Variants in ZFR observed in about 807,000 individuals in gnomAD.
ZFR encodes the protein zinc finger RNA-binding protein.
A neutral mutation model predicts 130.7 loss-of-function variants in ZFR; 19 were observed. That is an observed-to-expected ratio of 0.15 (90% CI 0.10 to 0.21). The LOEUF is 0.21. ZFR is among the 10% of genes least tolerant of loss of function. The pLI, the probability that ZFR is intolerant of heterozygous loss-of-function variation, is 1.00. For missense variants in ZFR, 872 were observed against 1,321.5 expected, an observed-to-expected ratio of 0.66 and a Z score of 5.27; for synonymous variants, 466 against 456.9, an observed-to-expected ratio of 1.02 and a Z score of -0.25.
intron 7 of ZFR, 37 bp from the exon 8 acceptor site, chr5:32,403,434 C>CA: frequency 6.3e-7 from 1 of 1,583,560 alleles, no homozygotes; most frequent in Non-Finnish European, 8.6e-7. Context: ...TCAGGAAACT[C>CA]AAATAGATTT....
At chr5:32,369,160 A>G (rs1752607117) in intron 17 of ZFR, among the ~76,000 whole-genome samples, 1 of 152,186 alleles carries the variant, frequency 6.6e-6, no homozygotes, top group African/African-American at 2.4e-5. Context: ...GATTTTTGTT[A>G]AGGGGTATCT....
intron 2 of ZFR, among the ~76,000 whole-genome samples, chr5:32,431,474 A>G (rs1754213613): frequency 6.6e-6 from 1 of 152,234 alleles, no homozygotes; most frequent in Non-Finnish European, 1.5e-5. Flanking sequence ...TAAAGAATGA[A>G]GTGGGAAAAA....
At chr5:32,364,351 C>G in intron 17 of ZFR, 76 bp from the exon 18 acceptor site, 1 of 1,228,826 alleles carries the variant, frequency 8.1e-7, no homozygotes, top group Non-Finnish European at 1.1e-6. Context: ...ATTTTAAAGA[C>G]TGAAAAAATT....
chr5:32,367,633 T>G (rs1473806595), intron 17 of ZFR, among the ~76,000 whole-genome samples: 1 of 152,082 alleles, frequency 6.6e-6, no homozygotes, highest in Admixed American at 6.6e-5. Flanking sequence ...GAGCTGGTCT[T>G]GAACTCCTGG....
Position 32,367,799 on chromosome 5 carries a change from G to C in ZFR, c.2836-3524C>G, listed in dbSNP as rs181920733. ...CCCATCCCATCTCCAGTTATAATAA[G>C]AGTAACTCTTAGTAAGTGGCAGGCA... On this transcript the variant is annotated intron_variant, in intron 17 of 19. Transcript: ENST00000265069. Among the ~76,000 whole-genome samples the C allele has an allele frequency of 1.7e-3, 255 of 152,152 alleles. 2 individuals are homozygous for C. Among genetic ancestry groups the C allele is most frequent in the African/African-American group, 5.8e-3 (242 of 41,532 alleles).
rs1753409688 is a variant in ZFR at position 32,400,032 on chromosome 5, G to A, written c.1688C>T (p.Pro563Leu). The A allele has an allele frequency of 1.2e-6, 2 of 1,607,364 alleles. No individual in the cohort carries two copies. The highest frequency in any genetic ancestry group is 1.3e-5 in the African/African-American group (1 of 74,608). ...SLAALQSDVQ[P>L]VGHDYVEEVR... ...CTCTTCCACATAATCATGGCCCACTGGCTGCACATCACTCTGTAAAGCAGC... is the reference window on the plus strand; with the variant it reads ...CTCTTCCACATAATCATGGCCCACTAGCTGCACATCACTCTGTAAAGCAGC... Residue 563 changes from proline to leucine, a missense_variant, in exon 9 of 20, where the codon CCA (proline) becomes CTA (leucine). Transcript: ENST00000265069.
intron 17 of ZFR, among the ~76,000 whole-genome samples, chr5:32,375,967 G>A (rs934624714): frequency 6.6e-5 from 10 of 151,140 alleles, no homozygotes; most frequent in South Asian, 2.1e-4. Context: ...TCAGCCTCCC[G>A]AGTAGCTGGG....
chr5:32,376,628 G>A (rs1304825291), intron 17 of ZFR, among the ~76,000 whole-genome samples: 1 of 147,854 alleles, frequency 6.8e-6, no homozygotes, highest in African/African-American at 2.5e-5. Context: ...AAAAAAAAAA[G>A]AAAGCAGGTG....
intron 8 of ZFR, among the ~76,000 whole-genome samples, chr5:32,402,400 A>C (rs1753470729): frequency 6.6e-6 from 1 of 152,150 alleles, no homozygotes; most frequent in Non-Finnish European, 1.5e-5. Flanking sequence ...TGACTACTGA[A>C]AGCAGCTTCA....
At chr5:32,387,749 C>G (rs1753072491) in intron 13 of ZFR, 50 bp from the exon 14 acceptor site, 1 of 1,533,098 alleles carries the variant, frequency 6.5e-7, no homozygotes, top group South Asian at 1.2e-5. Flanking sequence ...TAACCAGAAG[C>G]ATGATATTCT....
rs758983303 is a variant in ZFR at position 32,397,343 on chromosome 5, G to A, written c.1714-5C>T. The stretch of plus-strand genomic sequence containing the variant: ...TTTTCCTTCATCATTTCGTACCTTG[G>A]TGTGGAAAAAAAATTCAAGAATCAT... On this transcript the variant is annotated splice_region_variant and splice_polypyrimidine_tract_variant and intron_variant, in intron 9 of 19. Coordinates refer to ENST00000265069, the MANE Select transcript of ZFR (RefSeq NM_016107.5). 14 of 1,603,914 alleles carry A rather than the reference G, an allele frequency of 8.7e-6. No homozygotes were observed. Among genetic ancestry groups the A allele is most frequent in the Non-Finnish European group, 1.0e-5 (12 of 1,177,178 alleles).
chr5:32,411,011 A>G (rs542690057), intron 5 of ZFR, among the ~76,000 whole-genome samples: 1 of 152,368 alleles, frequency 6.6e-6, no homozygotes, highest in East Asian at 1.9e-4. Context: ...TTTCTGTCTC[A>G]TATACAACTA....
At chr5:32,367,181 C>T (rs1752565418) in intron 17 of ZFR, among the ~76,000 whole-genome samples, 2 of 152,008 alleles carry the variant, frequency 1.3e-5, no homozygotes, top group South Asian at 4.1e-4. Context: ...CGTCTGTAAT[C>T]CCAGCACTTT....
intron 17 of ZFR, among the ~76,000 whole-genome samples, chr5:32,377,672 TA>T (rs963793272): frequency 3.3e-5 from 5 of 151,962 alleles, no homozygotes; most frequent in African/African-American, 1.2e-4. Flanking sequence ...ATTAAAGAAA[TA>T]CAAAAAATTA....
Position 32,388,678 on chromosome 5 carries a change from C to T in ZFR, c.2143-4G>A. 6.3e-7 allele frequency: 1 copy of T among 1,593,492 alleles called. No individual in the cohort carries two copies. On this transcript the variant is annotated splice_polypyrimidine_tract_variant and splice_region_variant and intron_variant, in intron 12 of 19. Coordinates refer to ENST00000265069, the MANE Select transcript of ZFR (RefSeq NM_016107.5). ...ATGAGTCAGGACGACGTAAGGGCTA[C>T]AGAGAAACAAAGTTGCTCAATTTAA...
At chr5:32,408,324 A>AC (rs1164734185) in intron 5 of ZFR, among the ~76,000 whole-genome samples, 13 of 95,784 alleles carry the variant, frequency 1.4e-4, no homozygotes, top group Admixed American at 5.1e-4. Context: ...AAAAAAAAAA[A>AC]AAAAAAAAAA....
chr5:32,414,878 G>C, intron 5 of ZFR, 91 bp downstream of exon 5: 1 of 1,106,880 alleles, frequency 9.0e-7, no homozygotes. Context: ...CTATTATTGG[G>C]AGTAAGGTAA....
chr5:32,358,815 T>C (rs2111646334), intron 19 of ZFR, among the ~76,000 whole-genome samples: 1 of 152,244 alleles, frequency 6.6e-6, no homozygotes, highest in Admixed American at 6.5e-5. Context: ...AAAAAGAGCC[T>C]ACTGTTTTCC....
intron 16 of ZFR, chr5:32,379,432 G>T (rs1752890965): frequency 2.0e-6 from 1 of 506,074 alleles, no homozygotes; most frequent in East Asian, 3.7e-5. Context: ...GATTATACAA[G>T]AATAATATTT....
Sources: gnomAD v4.1 joint callset for allele counts (sites outside exome capture counted in the v4.1 genomes callset) on GRCh38, gnomAD v4.1.1 for gene constraint, MANE v1.5 for transcripts, NCBI Gene and HGNC (gene_info 2026-07-23, HGNC 2026-07-21) for gene names.